TIMM50: variants seen among roughly 807,000 people sequenced by gnomAD.
TIMM50 encodes the protein translocase of inner mitochondrial membrane 50.
TIMM50 carries 34 observed loss-of-function variants against 49.6 expected under a neutral mutation model. The observed-to-expected ratio is 0.69, with a 90% CI of 0.52 to 0.91. TIMM50 has a LOEUF of 0.91. Among genes scored for constraint, TIMM50 ranks in the 40% least tolerant of loss-of-function variants. The pLI is 0.00. For synonymous variants in TIMM50, 199 were observed against 198.4 expected (o/e 1.00, Z -0.03); for missense variants, 458 against 477.8 (o/e 0.96, Z 0.39).
At chr19:39,482,987 G>A in intron 3 of TIMM50, 71 bp downstream of exon 3, 2 of 1,611,824 alleles carry the variant, frequency 1.2e-6, no homozygotes, top group African/African-American at 1.3e-5. Context: ...CCTTTGGTCT[G>A]TTCAGGCACA....
chr19:39,488,607 C>T lies in TIMM50; in HGVS notation c.922C>T (p.Leu308=), dbSNP rs2079523858. 6 of 1,613,692 alleles carry T rather than the reference C, an allele frequency of 3.7e-6. No homozygotes were observed. The highest frequency in any genetic ancestry group is 5.1e-6 in the Non-Finnish European group (6 of 1,180,024). The change falls in exon 10 of 11, where the codon CTG becomes TTG. Residue 308 remains leucine, a synonymous_variant. Transcript: ENST00000607714. ...LEHYALEDDP[L]AAFKQRQSRL... is the part of the protein sequence containing the mutation. The stretch of plus-strand genomic sequence containing the variant: ...GCACTATGCCCTGGAGGATGACCCG[C>T]TGGCGGCTTTCAAACAGCGGCAAAG...
intron 6 of TIMM50, 170 bp from the exon 7 acceptor site, chr19:39,486,017 A>G (rs983674927): frequency 1.8e-6 from 2 of 1,085,478 alleles, no homozygotes; most frequent in Non-Finnish European, 2.7e-6. Context: ...TAAGTGCCAC[A>G]AAGGAGCCAG....
chr19:39,485,700 C>T lies in TIMM50; in HGVS notation c.385C>T (p.Pro129Ser). 6.2e-7 allele frequency: 1 copy of T among 1,614,114 alleles called. No homozygotes were observed. Residue 129 changes from proline (P) to serine (S), a missense_variant, in exon 6 of 11, where the codon CCC (proline) becomes TCC (serine). Physicochemically the swap from Pro to Ser is moderately conservative, Grantham distance 74. Coordinates refer to ENST00000607714, the MANE Select transcript of TIMM50 (RefSeq NM_001001563.5). Reference sequence around the variant, plus strand: ...CCCTCTCCCACAGATGATCATCGAGCCCACCAGCCCTTGCCTTCTCCCAGA... The same window carrying T: ...CCCTCTCCCACAGATGATCATCGAGTCCACCAGCCCTTGCCTTCTCCCAGA... ...FKDYRQMIIE[P>S]TSPCLLPDPL...
At chr19:39,482,809 C>G (rs1230453123) in intron 2 of TIMM50, 76 bp from the exon 3 acceptor site, 3 of 1,597,474 alleles carry the variant, frequency 1.9e-6, no homozygotes, top group African/African-American at 2.7e-5. Flanking sequence ...GAGTCCAGGC[C>G]CCTTATCCCA....
rs912491103 is a variant in TIMM50 at position 39,486,402 on chromosome 19, G to A, written c.603G>A (p.Ala201=). The change falls in exon 8 of 11, where the codon GCG becomes GCA. Residue 201 remains alanine, a synonymous_variant. Transcript: ENST00000607714. The part of the protein sequence containing the change: ...VIFTSETGMT[A]FPLIDSVDPH... ...CGCTCCCTTCCCACCCCCAGACTGC[G>A]TTTCCACTCATTGATAGTGTGGACC... is the stretch of plus-strand genomic sequence containing the variant. 17 of 1,614,130 alleles carry A rather than the reference G, an allele frequency of 1.1e-5. No homozygotes were observed. The highest frequency in any genetic ancestry group is 1.3e-5 in the Non-Finnish European group (15 of 1,180,014).
intron 4 of TIMM50, among the ~76,000 whole-genome samples, chr19:39,484,102 C>T (rs1018378600): frequency 1.3e-5 from 2 of 152,188 alleles, no homozygotes; most frequent in Non-Finnish European, 2.9e-5. Context: ...GGTCACTCGC[C>T]TCAGCCTCCC....
rs768075210 is a variant in TIMM50, at chr19:39,488,547, C to G, written c.862C>G (p.Leu288Val). The change falls in exon 10 of 11, where the codon CTG becomes GTG. Residue 288 changes from leucine to valine, a missense_variant. By Grantham distance (32) the Leu-to-Val change is conservative (BLOSUM62 1). Coordinates refer to ENST00000607714, the MANE Select transcript of TIMM50 (RefSeq NM_001001563.5). Reference sequence around the variant, plus strand: ...CCCTGTTGTGCCCACAGCCATTGCACTGAATGGTGTGGAGGACGTGCGAAC... The same window carrying G: ...CCCTGTTGTGCCCACAGCCATTGCAGTGAATGGTGTGGAGGACGTGCGAAC... Reference protein sequence around the residue: ...DLSAFLKTIALNGVEDVRTVL... With the variant: ...DLSAFLKTIAVNGVEDVRTVL... 6.2e-7 allele frequency: 1 copy of G among 1,612,760 alleles called. No individual in the cohort carries two copies. Among genetic ancestry groups the G allele is most frequent in the Non-Finnish European group, 8.5e-7 (1 of 1,179,922 alleles).
chr19:39,489,886 GC>G lies in TIMM50; in HGVS notation c.*68del. ...CCAGTGCTTCCAGACCAAGACTTGG[GC>G]CACCACTTGTCCAATAAAGTACATC... On this transcript the variant is annotated 3_prime_UTR_variant, in exon 11 of 11. Transcript: ENST00000607714. 1.4e-6 allele frequency: 2 copies of G among 1,444,038 alleles called. No individual in the cohort carries two copies. The highest frequency in any genetic ancestry group is 1.9e-6 in the Non-Finnish European group (2 of 1,046,788). 89.5% of individuals were successfully genotyped at this position (1,444,038 alleles called of 1,614,324 possible). A position where few individuals can be genotyped will look rare whatever the true frequency, so the allele number is the denominator to read the frequency against.
In TIMM50 at chr19:39,493,133, A is replaced by G. The variant is rs985282185; in HGVS notation, c.*3313A>G. 5 of 151,980 alleles carry G rather than the reference A, an allele frequency of 3.3e-5. No homozygotes were observed. Among genetic ancestry groups the G allele is most frequent in the Admixed American group, 6.6e-5 (1 of 15,248 alleles). 9.4% of individuals were successfully genotyped at this position (151,980 alleles called of 1,614,324 possible). On this transcript the variant is annotated 3_prime_UTR_variant, in exon 11 of 11. Transcript: ENST00000607714. ...GAAGCCTCTACAAAGGATAATTAAA[A>G]TTTACACCATGACTCTTTGTCCTGG...
chr19:39,491,527 ATT>A lies in TIMM50; in HGVS notation c.*1710_*1711del, dbSNP rs2079545116. Reference sequence around the variant, plus strand: ...GTGTGACTGAGAAACTGAATTTTTAATTTTGTTTGAGACTGGGCACAGTGGCT... The same window carrying A: ...GTGTGACTGAGAAACTGAATTTTTAATTGTTTGAGACTGGGCACAGTGGCT... On this transcript the variant is annotated 3_prime_UTR_variant, in exon 11 of 11. Transcript: ENST00000607714. 1 of 150,598 alleles carries A rather than the reference ATT, an allele frequency of 6.6e-6. No homozygotes were observed. The highest frequency in any genetic ancestry group is 2.1e-4 in the South Asian group (1 of 4,654). The allele number at this position is 150,598 out of a possible 1,614,324, so 9.3% of individuals were successfully genotyped here.
intron 9 of TIMM50, 116 bp downstream of exon 9, chr19:39,488,333 CTTGGAG>C: frequency 2.3e-6 from 3 of 1,311,538 alleles, no homozygotes; most frequent in Non-Finnish European, 3.2e-6. Context: ...GCCTGAGCAC[CTTGGAG>C]TCTTTAGGAG....
rs2288935 is a variant in TIMM50 at position 39,488,302 on chromosome 19, G to C, written c.853+85G>C. ...AGGATAAATGCATGATTCATGGCTG[G>C]GCGACTGAGGTGCAAGAGGTGCCTG... On this transcript the variant is annotated intron_variant, in intron 9 of 10. Coordinates refer to ENST00000607714, the MANE Select transcript of TIMM50 (RefSeq NM_001001563.5). The C allele has an allele frequency of 2.9e-4, 429 of 1,495,892 alleles. 4 individuals are homozygous for C. In the East Asian group the frequency reaches 9.7e-3, roughly 34 times the overall value. The allele number at this position is 1,495,892 out of a possible 1,614,324, so 92.7% of individuals were successfully genotyped here. A position where few individuals can be genotyped will look rare whatever the true frequency, so the allele number is the denominator to read the frequency against.
At chr19:39,483,318 C>T in intron 4 of TIMM50, 162 bp downstream of exon 4, 1 of 856,800 alleles carries the variant, frequency 1.2e-6, no homozygotes, top group Non-Finnish European at 1.9e-6. Context: ...CATTACAAAG[C>T]CCAAGCCCAC....
rs561636518 is a variant in TIMM50, at chr19:39,485,438, A to G, written c.314-106A>G. 13 of 1,357,334 alleles carry G rather than the reference A, an allele frequency of 9.6e-6. No homozygotes were observed. In the East Asian group the frequency reaches 2.8e-4, roughly 29 times the overall value. The allele number at this position is 1,357,334 out of a possible 1,614,324, so 84.1% of individuals were successfully genotyped here. ...AGAAATGAGTTGGTTCAAACCAGGC[A>G]GATATGCAGACCTGTTTGTATCTGG... On this transcript the variant is annotated intron_variant, in intron 4 of 10. Transcript: ENST00000607714.
rs370403917 is a variant in TIMM50 at position 39,488,462 on chromosome 19, C to T, written c.854-77C>T. 935 of 1,385,408 alleles carry T rather than the reference C, an allele frequency of 6.7e-4. 4 individuals are homozygous for T. Among genetic ancestry groups the T allele is most frequent in the Non-Finnish European group, 9.0e-4 (886 of 979,748 alleles). The allele number at this position is 1,385,408 out of a possible 1,614,324, so 85.8% of individuals were successfully genotyped here. On this transcript the variant is annotated intron_variant, in intron 9 of 10. Transcript: ENST00000607714. ...CACTGACTGCCCCCGTGCCCCAGTG[C>T]GGGACGTTCCCCTCATGGGCCCTGC...
intron 10 of TIMM50, 28 bp downstream of exon 10, chr19:39,488,673 G>C: frequency 6.3e-7 from 1 of 1,583,746 alleles, no homozygotes; most frequent in Non-Finnish European, 8.7e-7. Context: ...CAGAGTGGAG[G>C]ATCGGCTCTG....
Position 39,490,587 on chromosome 19 carries a change from G to A in TIMM50, c.*767G>A, listed in dbSNP as rs1212783485. ...CAAATTTTTTTTTTGTAGAGATGGGGTCTTGGTGCCCAAGCTGGTCTCAAA... is the reference window on the plus strand; with the variant it reads ...CAAATTTTTTTTTTGTAGAGATGGGATCTTGGTGCCCAAGCTGGTCTCAAA... On this transcript the variant is annotated 3_prime_UTR_variant, in exon 11 of 11. Transcript: ENST00000607714. 2.0e-5 allele frequency: 3 copies of A among 151,952 alleles called. No homozygotes were observed. The highest frequency in any genetic ancestry group is 4.4e-5 in the Non-Finnish European group (3 of 68,020). 9.4% of individuals were successfully genotyped at this position (151,952 alleles called of 1,614,324 possible).
rs2079507387 is a variant in TIMM50 at position 39,486,422 on chromosome 19, T to C, written c.623T>C (p.Val208Ala). Residue 208 changes from valine (V) to alanine (A), a missense_variant, in exon 8 of 11, where the codon GTG becomes GCG. By Grantham distance (64) the Val-to-Ala change is moderately conservative (BLOSUM62 0). Coordinates refer to ENST00000607714, the MANE Select transcript of TIMM50 (RefSeq NM_001001563.5). The part of the protein sequence containing the change: ...GMTAFPLIDS[V>A]DPHGFISYRL... ...ACTGCGTTTCCACTCATTGATAGTG[T>C]GGACCCCCATGGCTTCATCTCCTAC... 1 of 1,614,148 alleles carries C rather than the reference T, an allele frequency of 6.2e-7. No individual in the cohort carries two copies. The highest frequency in any genetic ancestry group is 8.5e-7 in the Non-Finnish European group (1 of 1,180,028).
intron 2 of TIMM50, 134 bp downstream of exon 2, chr19:39,482,167 A>G (rs1186959606): frequency 8.9e-7 from 1 of 1,122,094 alleles, no homozygotes; most frequent in Non-Finnish European, 1.3e-6. Flanking sequence ...GCAGCCAAAT[A>G]AGACACCTAC....
Sources: allele counts gnomAD v4.1 joint callset (sites outside exome capture counted in the v4.1 genomes callset), GRCh38; gene constraint gnomAD v4.1.1; transcripts MANE v1.5; gene names NCBI Gene and HGNC (gene_info 2026-07-23, HGNC 2026-07-21).